STOML3: variants seen among roughly 807,000 people sequenced by gnomAD.
The protein encoded by STOML3 is stomatin like 3, also known as stomatin-like protein 3.
In STOML3, 31 loss-of-function variants were observed where a neutral mutation model predicts 29.5. The observed-to-expected ratio is 1.05, with a 90% confidence interval of 0.79 to 1.42. The LOEUF (loss-of-function observed/expected upper bound fraction) is 1.42. Among genes scored for constraint, STOML3 ranks in the 40% most tolerant of loss-of-function variants. The pLI, the probability that STOML3 is intolerant of heterozygous loss-of-function variation, is 0.00. For synonymous variants in STOML3, 122 were observed against 139.8 expected, an observed-to-expected ratio of 0.87 and a Z score of 0.90; for missense variants, 380 against 363.0, an observed-to-expected ratio of 1.05 and a Z score of -0.38.
Position 38,966,748 on chromosome 13 carries a change from C to T in STOML3, c.*77G>A. On this transcript the variant is annotated 3_prime_UTR_variant, in exon 7 of 7. Transcript: ENST00000379631. ...GTTACATGAACAGTGTTGGAATTCT[C>T]ACCGTTTCTAACTACTGGCTTCTCC... The T allele has an allele frequency of 1.6e-6, 2 of 1,226,400 alleles. No individual in the cohort carries two copies. Among genetic ancestry groups the T allele is most frequent in the Non-Finnish European group, 2.4e-6 (2 of 847,636 alleles). 76.0% of individuals were successfully genotyped at this position (1,226,400 alleles called of 1,614,324 possible).
Position 38,966,751 on chromosome 13 carries a change from C to T in STOML3, c.*74G>A, listed in dbSNP as rs1302970619. The T allele has an allele frequency of 1.6e-6, 2 of 1,247,184 alleles. No individual in the cohort carries two copies. Among genetic ancestry groups the T allele is most frequent in the Non-Finnish European group, 2.3e-6 (2 of 865,532 alleles). 77.3% of individuals were successfully genotyped at this position (1,247,184 alleles called of 1,614,324 possible). A position where few individuals can be genotyped will look rare whatever the true frequency, so the allele number is the denominator to read the frequency against. On this transcript the variant is annotated 3_prime_UTR_variant, in exon 7 of 7. Coordinates refer to ENST00000379631, the MANE Select transcript of STOML3 (RefSeq NM_145286.3). ...ACATGAACAGTGTTGGAATTCTCAC[C>T]GTTTCTAACTACTGGCTTCTCCATA... is the stretch of plus-strand genomic sequence containing the variant.
chr13:38,976,514 A>G, intron 3 of STOML3, 26 bp downstream of exon 3: 1 of 1,613,388 alleles, frequency 6.2e-7, no homozygotes, highest in South Asian at 1.1e-5. Context: ...CTGATCTTTC[A>G]GGGGCAGCCA....
chr13:38,974,723 C>A (rs1343586703), intron 3 of STOML3, among the ~76,000 whole-genome samples: 7 of 152,082 alleles, frequency 4.6e-5, no homozygotes, highest in Non-Finnish European at 1.0e-4. Context: ...TCATTAACCC[C>A]AGAGACACGT....
intron 1 of STOML3, among the ~76,000 whole-genome samples, chr13:38,988,914 T>C (rs1201935045): frequency 2.2e-5 from 3 of 136,736 alleles, no homozygotes; most frequent in Admixed American, 1.5e-4. Context: ...ATAGAATACA[T>C]AATATATATA....
Position 38,972,598 on chromosome 13 carries a change from T to G in STOML3, c.230-4A>C. The G allele has an allele frequency of 6.2e-7, 1 of 1,613,374 alleles. No individual in the cohort carries two copies. The highest frequency in any genetic ancestry group is 8.5e-7 in the Non-Finnish European group (1 of 1,179,712). ...CATGGCAGGACCAGGATCAAACCTA[T>G]GAGAGAAAAAATCAGTTTAAAATGT... On this transcript the variant is annotated splice_polypyrimidine_tract_variant and splice_region_variant and intron_variant, in intron 3 of 6. Transcript: ENST00000379631.
intron 1 of STOML3, among the ~76,000 whole-genome samples, chr13:38,985,016 A>G (rs1868452735): frequency 6.6e-6 from 1 of 152,234 alleles, no homozygotes; most frequent in Non-Finnish European, 1.5e-5. Context: ...ATCATGGTTC[A>G]TCAGACAAGA....
At chr13:38,979,952 G>T in intron 1 of STOML3, 1 of 1,197,906 alleles carries the variant, frequency 8.3e-7, no homozygotes, top group Non-Finnish European at 1.2e-6. Flanking sequence ...CACCAGCTGT[G>T]CTTAATGCCT....
At chr13:38,972,700 A>G in intron 3 of STOML3, 106 bp from the exon 4 acceptor site, 1 of 953,890 alleles carries the variant, frequency 1.0e-6, no homozygotes, top group Admixed American at 2.0e-5. Context: ...CATGTTTCTC[A>G]GATGATCCTC....
chr13:38,976,825 T>C (rs1881098832), intron 1 of STOML3, 28 bp from the exon 2 acceptor site: 1 of 1,585,906 alleles, frequency 6.3e-7, no homozygotes, highest in Non-Finnish European at 8.6e-7. Context: ...AGCAAATATG[T>C]GATCAATGTG....
intron 1 of STOML3, among the ~76,000 whole-genome samples, chr13:38,982,577 G>T (rs1400955555): frequency 6.6e-6 from 1 of 151,978 alleles, no homozygotes; most frequent in Non-Finnish European, 1.5e-5. Context: ...AAACTACCTT[G>T]TTTCAGATAA....
intron 4 of STOML3, among the ~76,000 whole-genome samples, chr13:38,970,977 A>T (rs1880842763): frequency 6.6e-6 from 1 of 152,138 alleles, no homozygotes; most frequent in South Asian, 2.1e-4. Flanking sequence ...ACAGAGCTAG[A>T]AAAGTCCCTA....
At position 38,966,155 on chromosome 13, in the gene STOML3, T is replaced by A. The variant is rs764912135; in HGVS notation, c.*670A>T. ...TGTAAGCAAATAAATTGACAGGAGCTGGCCACTTTCATGTGCCTTTTCCCA... is the reference window on the plus strand; with the variant it reads ...TGTAAGCAAATAAATTGACAGGAGCAGGCCACTTTCATGTGCCTTTTCCCA... On this transcript the variant is annotated 3_prime_UTR_variant, in exon 7 of 7. Transcript: ENST00000379631. 2.0e-5 allele frequency: 3 copies of A among 152,220 alleles called. No homozygotes were observed. Among genetic ancestry groups the A allele is most frequent in the Non-Finnish European group, 2.9e-5 (2 of 68,078 alleles). 9.4% of individuals were successfully genotyped at this position (152,220 alleles called of 1,614,324 possible). A position where few individuals can be genotyped will look rare whatever the true frequency, so the allele number is the denominator to read the frequency against.
intron 1 of STOML3, among the ~76,000 whole-genome samples, chr13:38,980,499 C>T (rs560942212): frequency 5.3e-5 from 8 of 152,252 alleles, no homozygotes; most frequent in Middle Eastern, 3.4e-3. Flanking sequence ...CTTCAGAAAT[C>T]GCCCTACTTC....
chr13:38,985,347 C>T (rs111342208), intron 1 of STOML3, among the ~76,000 whole-genome samples: 78 of 152,070 alleles, frequency 5.1e-4, no homozygotes, highest in African/African-American at 1.9e-3. Flanking sequence ...CACTTGAAAC[C>T]GGGAGGCAGA....
intron 6 of STOML3, among the ~76,000 whole-genome samples, chr13:38,967,983 G>A (rs1485089883): frequency 6.8e-6 from 1 of 147,914 alleles, no homozygotes; most frequent in Non-Finnish European, 1.5e-5. Context: ...GCAAAAGACA[G>A]GTTCCATGTT....
rs1451160634 is a variant in STOML3, at chr13:38,970,357, A to T, written c.344T>A (p.Val115Glu). Reference protein sequence around the residue: ...ILTRDSVTTQVDGVVYYRIYS... With the variant: ...ILTRDSVTTQEDGVVYYRIYS... The stretch of plus-strand genomic sequence containing the variant: ...GATTCTGTAATAGACAACTCCATCT[A>T]CCTGAGTAGTTACGGAGTCTCTGGT... The change falls in exon 5 of 7, where the codon GTA becomes GAA. Residue 115 changes from valine (V) to glutamate (E), a missense_variant. Physicochemically the swap from Val to Glu is moderately radical, Grantham distance 121. Coordinates refer to ENST00000379631, the MANE Select transcript of STOML3 (RefSeq NM_145286.3). 1 of 1,614,046 alleles carries T rather than the reference A, an allele frequency of 6.2e-7. No homozygotes were observed. The highest frequency in any genetic ancestry group is 8.5e-7 in the Non-Finnish European group (1 of 1,180,034).
chr13:38,972,392 GCGGGTACTCAGCTCAT>G (rs1880904487), intron 4 of STOML3, 104 bp downstream of exon 4: 1 of 912,418 alleles, frequency 1.1e-6, no homozygotes, highest in Non-Finnish European at 1.7e-6. Context: ...GCAGGTCTCT[GCGGGTACTCAGCTCAT>G]CTTCCCTCCT....
chr13:38,976,896 C>T (rs1047621862), intron 1 of STOML3, 99 bp from the exon 2 acceptor site: 2 of 947,978 alleles, frequency 2.1e-6, no homozygotes, highest in African/African-American at 3.3e-5. Flanking sequence ...CTGGCCAAGC[C>T]TGATGTGGCT....
chr13:38,970,336 C>T lies in STOML3; in HGVS notation c.365G>A (p.Arg122Lys). The T allele has an allele frequency of 6.2e-7, 1 of 1,614,146 alleles. No homozygotes were observed. The highest frequency in any genetic ancestry group is 8.5e-7 in the Non-Finnish European group (1 of 1,180,020). ...CACTGCTGAGACAGCACTATAGATTCTGTAATAGACAACTCCATCTACCTG... is the reference window on the plus strand; with the variant it reads ...CACTGCTGAGACAGCACTATAGATTTTGTAATAGACAACTCCATCTACCTG... ...TTQVDGVVYYRIYSAVSAVAN... is the reference protein window; with the variant it reads ...TTQVDGVVYYKIYSAVSAVAN... Residue 122 changes from arginine (R) to lysine (K), a missense_variant, in exon 5 of 7, where the codon AGA becomes AAA. By Grantham distance (26) the Arg-to-Lys change is conservative (BLOSUM62 2). Coordinates refer to ENST00000379631, the MANE Select transcript of STOML3 (RefSeq NM_145286.3).
Sources: allele counts gnomAD v4.1 joint callset (sites outside exome capture counted in the v4.1 genomes callset), GRCh38; gene constraint gnomAD v4.1.1; transcripts MANE v1.5; gene names NCBI Gene and HGNC (gene_info 2026-07-23, HGNC 2026-07-21).